Variants in FAM162B observed in about 807,000 individuals in gnomAD.
FAM162B encodes the protein protein FAM162B.
A neutral mutation model predicts 20.0 loss-of-function variants in FAM162B; 16 were observed. The observed-to-expected ratio is 0.80, with a 90% CI of 0.54 to 1.21. The LOEUF (loss-of-function observed/expected upper bound fraction) is 1.21, where lower values mean the gene tolerates loss of function less well. FAM162B is among the 50% of genes most tolerant of loss of function. FAM162B has a pLI of 0.00. For synonymous variants in FAM162B, 83 were observed against 89.7 expected (o/e 0.93, Z 0.42); for missense variants, 260 against 227.5 (o/e 1.14, Z -0.92).
In FAM162B at chr6:116,752,616, G is replaced by A. The variant is rs1296629752; in HGVS notation, c.470C>T (p.Ala157Val). ...AKWREEAALA[A>V]QAKAK ...AGAATATCATTTAGCTTTAGCCTGT[G>A]CAGCCAATGCAGCTTCTTCACGCCA... The change falls in exon 4 of 4, where the codon GCA becomes GTA. Residue 157 changes from alanine (A) to valine (V), a missense_variant. Transcript: ENST00000368557. The A allele has an allele frequency of 6.3e-7, 1 of 1,591,522 alleles. No individual in the cohort carries two copies. The highest frequency in any genetic ancestry group is 1.1e-5 in the South Asian group (1 of 87,790).
At position 116,761,976 on chromosome 6, in the gene FAM162B, C is replaced by T. The variant is rs950988181; in HGVS notation, c.390+1G>A. 1 of 1,587,824 alleles carries T rather than the reference C, an allele frequency of 6.3e-7. No individual in the cohort carries two copies. The highest frequency in any genetic ancestry group is 1.3e-5 in the African/African-American group (1 of 74,564). On this transcript the variant is annotated splice_donor_variant, in intron 3 of 3. Transcript: ENST00000368557. LOFTEE classifies it high-confidence loss of function. ...ACTTGCCCTTTTAAGGAGATACTCA[C>T]CCTTTTGGCTGACACTATCACAGCA... is the stretch of plus-strand genomic sequence containing the variant.
At chr6:116,758,057 A>T (rs1028494795) in intron 3 of FAM162B, among the ~76,000 whole-genome samples, 1 of 152,210 alleles carries the variant, frequency 6.6e-6, no homozygotes, top group African/African-American at 2.4e-5. Context: ...GAAGAAAAAC[A>T]ACTAATGACG....
intron 3 of FAM162B, among the ~76,000 whole-genome samples, chr6:116,759,695 T>A (rs1363716054): frequency 1.3e-5 from 2 of 152,122 alleles, no homozygotes; most frequent in Non-Finnish European, 2.9e-5. Flanking sequence ...CTACACTGGA[T>A]CCCCAATGTA....
At chr6:116,753,450 A>G (rs1486229241) in intron 3 of FAM162B, among the ~76,000 whole-genome samples, 5 of 152,146 alleles carry the variant, frequency 3.3e-5, no homozygotes, top group Admixed American at 6.6e-5. Flanking sequence ...GAGTGCTCCA[A>G]TTTGGCTGTA....
At chr6:116,761,726 T>TTA (rs200626254) in intron 3 of FAM162B, among the ~76,000 whole-genome samples, 1 of 144,160 alleles carries the variant, frequency 6.9e-6, no homozygotes, top group Non-Finnish European at 1.5e-5. Flanking sequence ...GTATATATAC[T>TTA]TATATATACA....
At chr6:116,760,817 T>C (rs1449962671) in intron 3 of FAM162B, among the ~76,000 whole-genome samples, 1 of 152,198 alleles carries the variant, frequency 6.6e-6, no homozygotes, top group Non-Finnish European at 1.5e-5. Flanking sequence ...AGTAGGCTTG[T>C]AAGTCCTAAT....
chr6:116,761,731 T>TACAC (rs1398908004), intron 3 of FAM162B, among the ~76,000 whole-genome samples: 10 of 144,880 alleles, frequency 6.9e-5, no homozygotes, highest in South Asian at 4.3e-4. Flanking sequence ...TATACTTATA[T>TACAC]ATACACACAC....
chr6:116,761,991 C>T lies in FAM162B; in HGVS notation c.376G>A (p.Val126Met), dbSNP rs768863423. The T allele has an allele frequency of 6.3e-7, 1 of 1,597,882 alleles. No individual in the cohort carries two copies. The highest frequency in any genetic ancestry group is 8.6e-7 in the Non-Finnish European group (1 of 1,168,042). The stretch of plus-strand genomic sequence containing the variant: ...GAGATACTCACCCTTTTGGCTGACA[C>T]TATCACAGCAAAGCAGGCGATAATT... The part of the protein sequence containing the change: ...LTIIACFAVI[V>M]SAKRAVERHE... The change falls in exon 3 of 4, where the codon GTG becomes ATG. Residue 126 changes from valine to methionine, a missense_variant. Physicochemically the swap from Val to Met is conservative, Grantham distance 21. Coordinates refer to ENST00000368557, the MANE Select transcript of FAM162B (RefSeq NM_001085480.3).
At position 116,753,505 on chromosome 6, in the gene FAM162B, G is replaced by A. The variant is rs765109458; in HGVS notation, c.391-810C>T. Among the ~76,000 whole-genome samples, 31 of 152,224 alleles carry A rather than the reference G, an allele frequency of 2.0e-4. No individual in the cohort carries two copies. The Middle Eastern group carries it at 0.017, about 84-fold the overall frequency. Reference sequence around the variant, plus strand: ...GGGGTTGCTGATGACTTATCCACGAGCAGCTAGAAAGATAGAGTTGACATC... The same window carrying A: ...GGGGTTGCTGATGACTTATCCACGAACAGCTAGAAAGATAGAGTTGACATC... On this transcript the variant is annotated intron_variant, in intron 3 of 3. Coordinates refer to ENST00000368557, the MANE Select transcript of FAM162B (RefSeq NM_001085480.3).
intron 3 of FAM162B, among the ~76,000 whole-genome samples, chr6:116,756,674 T>C (rs915587128): frequency 1.3e-5 from 2 of 152,302 alleles, no homozygotes; most frequent in East Asian, 1.9e-4. Context: ...GCAAACTTCA[T>C]TGTCATCTTA....
intron 3 of FAM162B, among the ~76,000 whole-genome samples, chr6:116,756,786 T>G (rs755793850): frequency 2.6e-5 from 4 of 152,230 alleles, no homozygotes; most frequent in Non-Finnish European, 5.9e-5. Flanking sequence ...GCAAAAAGAT[T>G]ACAACTCATT....
chr6:116,757,222 T>C (rs1051545177), intron 3 of FAM162B, among the ~76,000 whole-genome samples: 1 of 152,198 alleles, frequency 6.6e-6, no homozygotes, highest in South Asian at 2.1e-4. Flanking sequence ...CACCACCATT[T>C]AGTAATCACA....
chr6:116,752,749 T>G, intron 3 of FAM162B, 54 bp from the exon 4 acceptor site: 1 of 459,654 alleles, frequency 2.2e-6, no homozygotes, highest in Non-Finnish European at 3.1e-6. Context: ...CACGTATATA[T>G]ATATATATAC....
intron 3 of FAM162B, among the ~76,000 whole-genome samples, chr6:116,755,884 C>G (rs1780045669): frequency 6.6e-6 from 1 of 152,106 alleles, no homozygotes; most frequent in Admixed American, 6.5e-5. Flanking sequence ...ATACTTTAAG[C>G]TCACTGTTGA....
intron 3 of FAM162B, among the ~76,000 whole-genome samples, chr6:116,756,302 T>C (rs1780050346): frequency 6.6e-6 from 1 of 152,138 alleles, no homozygotes; most frequent in Non-Finnish European, 1.5e-5. Context: ...GTGGAGGAAG[T>C]ATGAGGAAGT....
intron 3 of FAM162B, among the ~76,000 whole-genome samples, chr6:116,757,928 A>G (rs914316379): frequency 6.6e-6 from 1 of 152,212 alleles, no homozygotes; most frequent in Non-Finnish European, 1.5e-5. Context: ...GTATATAGAC[A>G]GGTCTACTGA....
At chr6:116,757,073 G>T (rs1780059465) in intron 3 of FAM162B, among the ~76,000 whole-genome samples, 1 of 152,064 alleles carries the variant, frequency 6.6e-6, no homozygotes, top group Non-Finnish European at 1.5e-5. Context: ...AATCCATTTG[G>T]CACAAAATTC....
Position 116,765,186 on chromosome 6 carries a change from C to T in FAM162B, c.242G>A (p.Gly81Glu), listed in dbSNP as rs1442302984. The change falls in exon 2 of 4, where the codon GGG becomes GAG. Residue 81 changes from glycine to glutamate, a missense_variant. Physicochemically the swap from Gly to Glu is moderately conservative, Grantham distance 98. Transcript: ENST00000368557. The part of the protein sequence containing the change: ...QFDKKILLWT[G>E]RFKSMEEIPP... Reference sequence around the variant, plus strand: ...GATCTCCTCCATCGATTTGAAACGCCCTGTCCACAGCAGGATTTTCTTGTC... The same window carrying T: ...GATCTCCTCCATCGATTTGAAACGCTCTGTCCACAGCAGGATTTTCTTGTC... 6.2e-7 allele frequency: 1 copy of T among 1,613,822 alleles called. No individual in the cohort carries two copies. The highest frequency in any genetic ancestry group is 8.5e-7 in the Non-Finnish European group (1 of 1,179,974).
intron 3 of FAM162B, among the ~76,000 whole-genome samples, chr6:116,759,142 A>G (rs1344627232): frequency 2.6e-5 from 4 of 152,108 alleles, no homozygotes; most frequent in Non-Finnish European, 5.9e-5. Flanking sequence ...TATTCCAAAT[A>G]AAAATTTCTT....
Sources: allele counts gnomAD v4.1 joint callset (sites outside exome capture counted in the v4.1 genomes callset), GRCh38; gene constraint gnomAD v4.1.1; transcripts MANE v1.5; gene names NCBI Gene and HGNC (gene_info 2026-07-23, HGNC 2026-07-21).